Variants in SLC27A2 observed in about 807,000 individuals in gnomAD.
SLC27A2 encodes solute carrier family 27 member 2.
Under a neutral mutation model 60.0 loss-of-function variants are expected in SLC27A2, and 54 were observed. That is an observed-to-expected ratio of 0.90 (90% CI 0.72 to 1.13). The LOEUF (loss-of-function observed/expected upper bound fraction) is 1.13, where lower values mean the gene tolerates loss of function less well. Among genes scored for constraint, SLC27A2 ranks in the 50% most tolerant of loss-of-function variants. The probability of loss-of-function intolerance (pLI) is 0.00; values close to 1 mark genes in which losing one functional copy is unlikely to be tolerated. For synonymous variants in SLC27A2, 297 were observed against 297.6 expected (o/e 1.00, Z 0.02); for missense variants, 739 against 777.6 (o/e 0.95, Z 0.59).
At chr15:50,186,707 G>A (rs187087746) in intron 1 of SLC27A2, among the ~76,000 whole-genome samples, 2 of 152,348 alleles carry the variant, frequency 1.3e-5, no homozygotes, top group East Asian at 1.9e-4. Flanking sequence ...AAAGTGCTGG[G>A]ATTAGAGGCG....
chr15:50,189,113 G>A (rs2044952644), intron 1 of SLC27A2, among the ~76,000 whole-genome samples: 1 of 152,152 alleles, frequency 6.6e-6, no homozygotes, highest in South Asian at 2.1e-4. Context: ...CTGGTTGATT[G>A]TGACAGGCTT....
chr15:50,231,801 G>T, intron 8 of SLC27A2, among the ~76,000 whole-genome samples: 1 of 152,138 alleles, frequency 6.6e-6, no homozygotes, highest in Non-Finnish European at 1.5e-5. Flanking sequence ...GTTCTGTGCT[G>T]CTCCAGTGAT....
chr15:50,207,430 TA>T (rs2045121605), intron 4 of SLC27A2, among the ~76,000 whole-genome samples: 1 of 152,006 alleles, frequency 6.6e-6, no homozygotes, highest in Admixed American at 6.6e-5. Context: ...AAAATATTTA[TA>T]AAAAGTATAA....
chr15:50,204,012 AAC>A (rs1164289502), intron 3 of SLC27A2, among the ~76,000 whole-genome samples: 3 of 151,964 alleles, frequency 2.0e-5, no homozygotes, highest in African/African-American at 4.8e-5. Flanking sequence ...TAGCAGCTCA[AAC>A]ACACACACAT....
Position 50,182,673 on chromosome 15 carries a change from G to T in SLC27A2, c.246G>T (p.Ala82=), listed in dbSNP as rs1480834123. The T allele has an allele frequency of 6.2e-7, 1 of 1,613,846 alleles. No homozygotes were observed. Among genetic ancestry groups the T allele is most frequent in the African/African-American group, 1.3e-5 (1 of 74,928 alleles). ...TCCGCGACGAGACTCTCACCTACGC[G>T]CAGGTGGACCGGCGCAGCAATCAAG... ...LLFRDETLTY[A]QVDRRSNQVA... Residue 82 remains alanine (A), a synonymous_variant, in exon 1 of 10, where the codon GCG becomes GCT. Transcript: ENST00000267842.
rs756817620 is a variant in SLC27A2, at chr15:50,233,914, C to A, written c.1602C>A (p.Asn534Lys). The change falls in exon 9 of 10, where the codon AAC (asparagine) becomes AAA (lysine). Residue 534 changes from asparagine to lysine, a missense_variant. Asn to Lys is a moderately conservative substitution (Grantham distance 94, BLOSUM62 0). Transcript: ENST00000267842. ...TGGCCTCCATCAAAATGAAAGAAAA[C>A]CATGAATTTGATGGAAAGAAACTCT... ...IGMASIKMKE[N>K]HEFDGKKLFQ... The A allele has an allele frequency of 2.5e-6, 4 of 1,613,724 alleles. No homozygotes were observed. The Admixed American group carries it at 5.0e-5, about 20-fold the overall frequency.
chr15:50,216,882 A>AT (rs1443373551), intron 4 of SLC27A2, among the ~76,000 whole-genome samples: 1 of 147,166 alleles, frequency 6.8e-6, no homozygotes, highest in African/African-American at 2.5e-5. Flanking sequence ...ATTCCATAAA[A>AT]ATATATATAT....
intron 4 of SLC27A2, among the ~76,000 whole-genome samples, chr15:50,219,829 C>A (rs1269475774): frequency 2.6e-5 from 4 of 152,134 alleles, no homozygotes; most frequent in Non-Finnish European, 4.4e-5. Flanking sequence ...ATCAGTCCCC[C>A]AGGTGTGTTT....
intron 3 of SLC27A2, among the ~76,000 whole-genome samples, chr15:50,203,567 T>C (rs1230605338): frequency 6.6e-6 from 1 of 152,174 alleles, no homozygotes; most frequent in East Asian, 1.9e-4. Context: ...AACAACTTTT[T>C]CTCTCATGTG....
chr15:50,201,758 T>C (rs1293231033), intron 2 of SLC27A2, among the ~76,000 whole-genome samples: 2 of 152,232 alleles, frequency 1.3e-5, no homozygotes, highest in East Asian at 1.9e-4. Context: ...GGTTTCACCA[T>C]GTTAGCCAGG....
intron 8 of SLC27A2, 104 bp from the exon 9 acceptor site, chr15:50,233,764 A>G: frequency 5.8e-6 from 6 of 1,042,286 alleles, no homozygotes; most frequent in Non-Finnish European, 8.1e-6. Context: ...AGCTATCCAA[A>G]TGAAACCCAT....
Position 50,202,548 on chromosome 15 carries a change from TG to T in SLC27A2, c.751del (p.Val251Ter). 1 of 1,614,192 alleles carries T rather than the reference TG, an allele frequency of 6.2e-7. No individual in the cohort carries two copies. The highest frequency in any genetic ancestry group is 8.5e-7 in the Non-Finnish European group (1 of 1,180,006). Reference sequence around the variant, plus strand: ...TATGGTATGGAACTGGCCTCACTTTTGTAAGCGGATTGAAGGCAGATGATGT... The same window carrying T: ...TATGGTATGGAACTGGCCTCACTTTTTAAGCGGATTGAAGGCAGATGATGT... The part of the protein sequence containing the change: ...RIWYGTGLTF[V>X]SGLKADDVIY... On this transcript the variant is annotated frameshift_variant, in exon 3 of 10. Coordinates refer to ENST00000267842, the MANE Select transcript of SLC27A2 (RefSeq NM_003645.4). LOFTEE classifies it high-confidence loss of function.
chr15:50,235,716 C>T (rs1182392568), intron 9 of SLC27A2, among the ~76,000 whole-genome samples: 1 of 152,144 alleles, frequency 6.6e-6, no homozygotes, highest in Non-Finnish European at 1.5e-5. Flanking sequence ...TCATATTGTA[C>T]ATGAGAAAAA....
rs531591340 is a variant in SLC27A2 at position 50,189,961 on chromosome 15, G to A, written c.478+7056G>A. ...TGGAGAAATAAAAATTAACATCAAG[G>A]AGATTACTACTTAATTACCTAAATG... is the stretch of plus-strand genomic sequence containing the variant. On this transcript the variant is annotated intron_variant, in intron 1 of 9. Coordinates refer to ENST00000267842, the MANE Select transcript of SLC27A2 (RefSeq NM_003645.4). Among the ~76,000 whole-genome samples, 37 of 152,274 alleles carry A rather than the reference G, an allele frequency of 2.4e-4. No individual in the cohort carries two copies. In the East Asian group the frequency reaches 2.5e-3, roughly 10 times the overall value.
At chr15:50,197,234 A>G (rs911605043) in intron 1 of SLC27A2, among the ~76,000 whole-genome samples, 3 of 152,144 alleles carry the variant, frequency 2.0e-5, no homozygotes, top group African/African-American at 7.2e-5. Flanking sequence ...GCAGTGGCTC[A>G]TGCCTGTAAT....
Position 50,236,109 on chromosome 15 carries a change from G to A in SLC27A2, c.*13G>A, listed in dbSNP as rs200687884. 12 of 1,546,694 alleles carry A rather than the reference G, an allele frequency of 7.8e-6. No individual in the cohort carries two copies. In the African/African-American group the frequency reaches 1.2e-4, roughly 16 times the overall value. On this transcript the variant is annotated 3_prime_UTR_variant, in exon 10 of 10. Coordinates refer to ENST00000267842, the MANE Select transcript of SLC27A2 (RefSeq NM_003645.4). The stretch of plus-strand genomic sequence containing the variant: ...CCTGAAACTCTGAATATTCCCAGGA[G>A]GATAACTCAACATTTCCAGAAAGAA...
In SLC27A2 at chr15:50,182,875, T is replaced by C. The variant is rs1162477808; in HGVS notation, c.448T>C (p.Cys150Arg). 1.9e-6 allele frequency: 3 copies of C among 1,611,400 alleles called. No homozygotes were observed. Among genetic ancestry groups the C allele is most frequent in the Non-Finnish European group, 2.5e-6 (3 of 1,179,286 alleles). ...GTCCCTGCTGCACTGCTTCCAGTGC[T>C]GCGGGGCGAAGGTGCTGCTGGTGTC... Reference protein sequence around the residue: ...AKSLLHCFQCCGAKVLLVSPE... With the variant: ...AKSLLHCFQCRGAKVLLVSPE... The change falls in exon 1 of 10, where the codon TGC becomes CGC. Residue 150 changes from cysteine (C) to arginine (R), a missense_variant. By Grantham distance (180) the Cys-to-Arg change is radical. Transcript: ENST00000267842.
chr15:50,205,286 G>A lies in SLC27A2; in HGVS notation c.895G>A (p.Asp299Asn). 6.2e-7 allele frequency: 1 copy of A among 1,609,216 alleles called. No individual in the cohort carries two copies. Among genetic ancestry groups the A allele is most frequent in the South Asian group, 1.1e-5 (1 of 90,228 alleles). Reference sequence around the variant, plus strand: ...TAAATTTTCAGCCAGCCAGTTTTGGGATGACTGCAGAAAATACAACGTCAC... The same window carrying A: ...TAAATTTTCAGCCAGCCAGTTTTGGAATGACTGCAGAAAATACAACGTCAC... ...RTKFSASQFW[D>N]DCRKYNVTVI... Residue 299 changes from aspartate (D) to asparagine (N), a missense_variant, in exon 4 of 10, where the codon GAT becomes AAT. Transcript: ENST00000267842.
chr15:50,202,085 CCT>C (rs1268678717), intron 2 of SLC27A2, among the ~76,000 whole-genome samples: 2 of 152,142 alleles, frequency 1.3e-5, no homozygotes, highest in African/African-American at 4.8e-5. Context: ...GACAGTCATT[CCT>C]CTGTTTCTGT....
Sources: allele counts gnomAD v4.1 joint callset (sites outside exome capture counted in the v4.1 genomes callset), GRCh38; gene constraint gnomAD v4.1.1; transcripts MANE v1.5; gene names NCBI Gene and HGNC (gene_info 2026-07-23, HGNC 2026-07-21).